The following PDXDC1 variants were observed in gnomAD, a reference collection of about 807,000 sequenced individuals.
The protein encoded by PDXDC1 is pyridoxal-dependent decarboxylase domain-containing protein 1.
PDXDC1 carries 42 observed loss-of-function variants against 100.1 expected under a neutral mutation model. The ratio of observed to expected loss-of-function variants is 0.42; its 90% CI spans 0.33 to 0.54. The LOEUF is 0.54. Among genes scored for constraint, PDXDC1 ranks in the 20% least tolerant of loss-of-function variants. The pLI, the probability that PDXDC1 is intolerant of heterozygous loss-of-function variation, is 0.10. For synonymous variants in PDXDC1, 260 were observed against 371.7 expected, an observed-to-expected ratio of 0.70 and a Z score of 3.46; for missense variants, 636 against 979.2, an observed-to-expected ratio of 0.65 and a Z score of 4.68.
At chr16:15,146,699 G>A in the PDXDC1 span, among the ~76,000 whole-genome samples, 1 of 152,156 alleles carries the variant, frequency 6.6e-6, no homozygotes, top group Non-Finnish European at 1.5e-5. Context: ...CACAGTGTCT[G>A]GCTCTCACCC....
In PDXDC1 at chr16:14,975,087, C is replaced by T; in HGVS notation, c.-113C>T. ...CTGGCAGCTCCTCCTCTTCTCCGCC[C>T]CGCCGGCCGCGGGCGCGGGGGACGT... On this transcript the variant is annotated 5_prime_UTR_variant, in exon 1 of 23. Coordinates refer to ENST00000396410, the MANE Select transcript of PDXDC1 (RefSeq NM_015027.4). The T allele has an allele frequency of 1.4e-6, 2 of 1,472,438 alleles. No individual in the cohort carries two copies. Among genetic ancestry groups the T allele is most frequent in the Non-Finnish European group, 1.8e-6 (2 of 1,123,246 alleles). 91.2% of individuals were successfully genotyped at this position (1,472,438 alleles called of 1,614,324 possible).
Position 15,037,969 on chromosome 16 carries a change from G to C in PDXDC1, c.*1694G>C, listed in dbSNP as rs565842562. On this transcript the variant is annotated 3_prime_UTR_variant, in exon 23 of 23. Transcript: ENST00000396410. Reference sequence around the variant, plus strand: ...AGATGTAGGATCCAGATCTGGATTCGTGCCAGCCCCACCAATGGTCTGTCA... The same window carrying C: ...AGATGTAGGATCCAGATCTGGATTCCTGCCAGCCCCACCAATGGTCTGTCA... The C allele has an allele frequency of 2.4e-6, 3 of 1,271,514 alleles. No individual in the cohort carries two copies. Among genetic ancestry groups the C allele is most frequent in the Admixed American group, 1.9e-5 (1 of 53,102 alleles). The allele number at this position is 1,271,514 out of a possible 1,614,324, so 78.8% of individuals were successfully genotyped here.
At chr16:15,089,664 G>T (rs1473766102) in intron 16 of PDXDC1, among the ~76,000 whole-genome samples, 2 of 151,662 alleles carry the variant, frequency 1.3e-5, no homozygotes, top group Non-Finnish European at 2.9e-5. Context: ...GCTGGCGGTG[G>T]TGGCGGGCGA....
chr16:15,035,603 C>A, intron 22 of PDXDC1, 50 bp downstream of exon 22: 1 of 1,054,548 alleles, frequency 9.5e-7, no homozygotes, highest in African/African-American at 1.6e-5. Flanking sequence ...CCCCTGTTGA[C>A]TGTTACTTGC....
chr16:14,996,664 G>C (rs531941115), intron 1 of PDXDC1, among the ~76,000 whole-genome samples: 1 of 152,398 alleles, frequency 6.6e-6, no homozygotes, highest in South Asian at 2.1e-4. Context: ...AGATCAGCCT[G>C]TGCAGCATAA....
intron 8 of PDXDC1, among the ~76,000 whole-genome samples, chr16:15,015,265 C>T (rs2151483759): frequency 6.6e-6 from 1 of 152,348 alleles, no homozygotes; most frequent in African/African-American, 2.4e-5. Context: ...TTATAAAGGG[C>T]ATATCTAAAT....
At position 14,984,454 on chromosome 16, in the gene PDXDC1, AGT is replaced by A. The variant is rs1247042159; in HGVS notation, c.21+9251_21+9252del. Among the ~76,000 whole-genome samples the A allele has an allele frequency of 5.1e-4, 56 of 110,048 alleles. No homozygotes were observed. The South Asian group carries it at 9.9e-3, about 19-fold the overall frequency. The allele number at this position is 110,048 out of a possible 152,430, so 72.2% of individuals were successfully genotyped here. On this transcript the variant is annotated intron_variant, in intron 1 of 22. Transcript: ENST00000396410. ...AAAAGTGAGAGAGAGAGAGAGAGAG[AGT>A]GTGTGTGTGTGTGTGTATACATATA...
At chr16:15,148,409 G>T in the PDXDC1 span, among the ~76,000 whole-genome samples, 1 of 98,048 alleles carries the variant, frequency 1.0e-5, no homozygotes, top group African/African-American at 4.8e-5. Flanking sequence ...TTTGAGACAG[G>T]GTCTTGCTCT....
At chr16:14,978,211 G>T (rs1967129769) in intron 1 of PDXDC1, among the ~76,000 whole-genome samples, 4 of 152,294 alleles carry the variant, frequency 2.6e-5, no homozygotes, top group Admixed American at 2.6e-4. Context: ...AGGAGAGTAG[G>T]AGTAGGGGCT....
chr16:15,124,281 C>T (rs1390758629), intron 16 of PDXDC1, among the ~76,000 whole-genome samples: 2 of 152,228 alleles, frequency 1.3e-5, no homozygotes, highest in Non-Finnish European at 2.9e-5. Context: ...AAACTTCCCA[C>T]AGGCCTTCTG....
chr16:14,975,000 A>AGCGCTACGGGGCC, upstream of PDXDC1: 1 of 1,535,270 alleles, frequency 6.5e-7, no homozygotes. Flanking sequence ...GGCTCCGCCC[A>AGCGCTACGGGGCC]GCGCTACGGG....
At chr16:15,134,461 G>A in intron 16 of PDXDC1, 3 of 444,184 alleles carry the variant, frequency 6.8e-6, no homozygotes, top group Non-Finnish European at 8.1e-6. Context: ...CCTGGCCACT[G>A]CCGGTGAGCT....
chr16:15,012,965 A>G (rs1292256310), intron 8 of PDXDC1, among the ~76,000 whole-genome samples: 2 of 152,276 alleles, frequency 1.3e-5, no homozygotes, highest in East Asian at 1.9e-4. Flanking sequence ...AGGTCAGGAG[A>G]TCAAGACATC....
intron 16 of PDXDC1, chr16:15,091,269 T>C: frequency 2.5e-6 from 4 of 1,605,072 alleles, no homozygotes; most frequent in Non-Finnish European, 3.4e-6. Context: ...TATGTCTGTA[T>C]ACAGTGGCAA....
chr16:15,128,113 C>A (rs1224870398), intron 16 of PDXDC1: 1 of 1,609,766 alleles, frequency 6.2e-7, no homozygotes, highest in Non-Finnish European at 8.5e-7. Context: ...TGACGTGCTG[C>A]AGGAACCAGG....
At chr16:15,001,549 G>A (rs529380479) in intron 3 of PDXDC1, among the ~76,000 whole-genome samples, 143 of 152,390 alleles carry the variant, frequency 9.4e-4, no homozygotes, top group Admixed American at 1.7e-3. Flanking sequence ...CTCATAATTA[G>A]GTAGAAGATT....
chr16:15,122,610 G>A (rs2665220), intron 16 of PDXDC1, among the ~76,000 whole-genome samples: 17 of 150,328 alleles, frequency 1.1e-4, no homozygotes, highest in Admixed American at 6.0e-4. Context: ...AGCAGGAGCC[G>A]AAAGAGCAGC....
At position 15,033,067 on chromosome 16, in the gene PDXDC1, C is replaced by T. The variant is rs2151644294; in HGVS notation, c.1690+88C>T. Reference sequence around the variant, plus strand: ...AGACGACGGCTCATCCCTTAGCGGGCTAGCGCCTCTCGGGCTGGGTTCCAG... The same window carrying T: ...AGACGACGGCTCATCCCTTAGCGGGTTAGCGCCTCTCGGGCTGGGTTCCAG... On this transcript the variant is annotated intron_variant, in intron 18 of 22. Transcript: ENST00000396410. The T allele has an allele frequency of 5.0e-6, 5 of 1,007,438 alleles. No homozygotes were observed. The South Asian group carries it at 5.4e-5, about 11-fold the overall frequency. The allele number at this position is 1,007,438 out of a possible 1,614,324, so 62.4% of individuals were successfully genotyped here.
chr16:15,036,387 C>A lies in PDXDC1; in HGVS notation c.*112C>A. On this transcript the variant is annotated 3_prime_UTR_variant, in exon 23 of 23. Coordinates refer to ENST00000396410, the MANE Select transcript of PDXDC1 (RefSeq NM_015027.4). ...ATATAAATTACTGTTGTTTGTGCTT[C>A]ACTGGGATTTTGGCACAAATATGTG... 3 of 1,129,408 alleles carry A rather than the reference C, an allele frequency of 2.7e-6. No individual in the cohort carries two copies. The highest frequency in any genetic ancestry group is 3.8e-6 in the Non-Finnish European group (3 of 788,390). 70.0% of individuals were successfully genotyped at this position (1,129,408 alleles called of 1,614,324 possible). A position where few individuals can be genotyped will look rare whatever the true frequency, so the allele number is the denominator to read the frequency against.
Sources: allele counts gnomAD v4.1 joint callset (sites outside exome capture counted in the v4.1 genomes callset), GRCh38; gene constraint gnomAD v4.1.1; transcripts MANE v1.5; gene names NCBI Gene and HGNC (gene_info 2026-07-23, HGNC 2026-07-21).